HIVEP2: variants seen among roughly 807,000 people sequenced by gnomAD.
HIVEP2 encodes transcription factor HIVEP2.
A neutral mutation model predicts 180.7 loss-of-function variants in HIVEP2; 14 were observed. The observed-to-expected ratio is 0.08, with a 90% CI of 0.05 to 0.12. The LOEUF (loss-of-function observed/expected upper bound fraction) is 0.12, where lower values mean the gene tolerates loss of function less well. Ranked by LOEUF, HIVEP2 falls within the 10% of genes least tolerant of loss-of-function variation. The pLI is 1.00. For missense variants in HIVEP2, 2,579 were observed against 3,008.5 expected (o/e 0.86, Z 3.34); for synonymous variants, 1,184 against 1,136.4 (o/e 1.04, Z -0.84).
intron 2 of HIVEP2, chr6:142,788,298 A>G (rs979246198): frequency 9.0e-6 from 1 of 110,756 alleles, no homozygotes; most frequent in Non-Finnish European, 1.8e-5. Flanking sequence ...CCTAAAACTT[A>G]AAGTATAATA....
chr6:142,815,856 A>G (rs1776820200), intron 2 of HIVEP2, among the ~76,000 whole-genome samples: 1 of 152,230 alleles, frequency 6.6e-6, no homozygotes, highest in Non-Finnish European at 1.5e-5. Flanking sequence ...ACTGCGTCTT[A>G]TAATTCCCTT....
intron 1 of HIVEP2, among the ~76,000 whole-genome samples, chr6:142,850,830 C>T (rs993007136): frequency 1.3e-5 from 2 of 152,176 alleles, no homozygotes; most frequent in Non-Finnish European, 2.9e-5. Context: ...TCATCCTGCT[C>T]CATCTGGGGT....
intron 1 of HIVEP2, among the ~76,000 whole-genome samples, chr6:142,876,144 C>T (rs996655566): frequency 8.6e-5 from 13 of 152,020 alleles, no homozygotes; most frequent in South Asian, 4.1e-4. Context: ...CTGTTCAAAA[C>T]GTTGTAAAGA....
intron 1 of HIVEP2, among the ~76,000 whole-genome samples, chr6:142,868,213 G>T (rs950434872): frequency 5.3e-5 from 8 of 152,132 alleles, no homozygotes; most frequent in Admixed American, 1.3e-4. Flanking sequence ...AGCAGACTTT[G>T]GGTGCACAAC....
At chr6:142,924,755 G>A (rs1257201422) in intron 1 of HIVEP2, among the ~76,000 whole-genome samples, 1 of 152,182 alleles carries the variant, frequency 6.6e-6, no homozygotes, top group Non-Finnish European at 1.5e-5. Flanking sequence ...TTGGATTAAT[G>A]TTATAAAAAT....
chr6:142,781,326 A>G (rs1437435836), intron 3 of HIVEP2, among the ~76,000 whole-genome samples: 1 of 152,182 alleles, frequency 6.6e-6, no homozygotes, highest in African/African-American at 2.4e-5. Flanking sequence ...ATTTCCTTTT[A>G]TGGTAACCAA....
At chr6:142,781,004 T>C (rs1451446801) in intron 3 of HIVEP2, among the ~76,000 whole-genome samples, 3 of 152,194 alleles carry the variant, frequency 2.0e-5, no homozygotes, top group African/African-American at 4.8e-5. Context: ...AAATGAATCA[T>C]TAAGTCAGGA....
chr6:142,878,309 A>G (rs1776496519), intron 1 of HIVEP2, among the ~76,000 whole-genome samples: 1 of 151,370 alleles, frequency 6.6e-6, no homozygotes, highest in African/African-American at 2.4e-5. Context: ...TTCAACATGT[A>G]TTTCAAAGCA....
Position 142,882,877 on chromosome 6 carries a change from C to T in HIVEP2, c.-640-45830G>A, listed in dbSNP as rs1054240460. Among the ~76,000 whole-genome samples, 6 of 152,076 alleles carry T rather than the reference C, an allele frequency of 3.9e-5. No homozygotes were observed. In the East Asian group the frequency reaches 1.2e-3, roughly 29 times the overall value. On this transcript the variant is annotated intron_variant, in intron 1 of 9. Coordinates refer to ENST00000367603, the MANE Select transcript of HIVEP2 (RefSeq NM_006734.4). ...CTTCACTCTCCTAAACCCTGCAACA[C>T]AATAGGAAGCTTAGTGAAAGGACCA...
chr6:142,768,943 A>T (rs573105021), intron 5 of HIVEP2, among the ~76,000 whole-genome samples: 2 of 152,278 alleles, frequency 1.3e-5, no homozygotes, highest in South Asian at 4.1e-4. Flanking sequence ...ATATTTTTAA[A>T]TCCTCTATTT....
At chr6:142,824,712 G>A (rs1582892254) in intron 2 of HIVEP2, among the ~76,000 whole-genome samples, 1 of 152,288 alleles carries the variant, frequency 6.6e-6, no homozygotes, top group East Asian at 1.9e-4. Context: ...CAGTCCCAGA[G>A]GCTAGGGAGG....
Position 142,760,128 on chromosome 6 carries a change from G to T in HIVEP2, c.6160C>A (p.Pro2054Thr). The change falls in exon 9 of 10, where the codon CCC becomes ACC. Residue 2054 changes from proline to threonine, a missense_variant. By Grantham distance (38) the Pro-to-Thr change is conservative (BLOSUM62 -1). Coordinates refer to ENST00000367603, the MANE Select transcript of HIVEP2 (RefSeq NM_006734.4). ...CTCTTTGGTGAATTATCTCGACAGG[G>T]TGAAGAATCATATCCTGGAGAGGAA... ...HHSSPGYDSS[P>T]CRDNSPKRYL... 1 of 1,614,194 alleles carries T rather than the reference G, an allele frequency of 6.2e-7. No homozygotes were observed.
In HIVEP2 at chr6:142,818,692, CAAGAAAGAAAGA is replaced by C. The variant is rs145421215; in HGVS notation, c.-528+18231_-528+18242del. Reference sequence around the variant, plus strand: ...AAAAAAAAAAAGAAAGAGAGAGAGACAAGAAAGAAAGAAAGAAAGAAAGAAAGAAAAGAAAGA... The same window carrying C: ...AAAAAAAAAAAGAAAGAGAGAGAGACAAGAAAGAAAGAAAGAAAAGAAAGA... On this transcript the variant is annotated intron_variant, in intron 2 of 9. Transcript: ENST00000367603. Among the ~76,000 whole-genome samples the C allele has an allele frequency of 3.3e-3, 171 of 51,756 alleles. 6 individuals carry two copies. The highest frequency in any genetic ancestry group is 0.013 in the African/African-American group (159 of 11,788). The allele number at this position is 51,756 out of a possible 152,430, so 34.0% of individuals were successfully genotyped here.
rs757974791 is a variant in HIVEP2 at position 142,771,227 on chromosome 6, A to C, written c.3512T>G (p.Leu1171Trp). Residue 1171 changes from leucine to tryptophan, a missense_variant, in exon 5 of 10, where the codon TTG becomes TGG. Leu to Trp is a moderately conservative substitution (Grantham distance 61). Around this residue, in one of 11 missense-constraint regions of HIVEP2, gnomAD observed 523 missense variants for 577.0 expected, o/e 0.91. Coordinates refer to ENST00000367603, the MANE Select transcript of HIVEP2 (RefSeq NM_006734.4). This position sits in a 1 kb window ranked among gnomAD's most constrained non-coding sequence, Gnocchi z 5.4. ...TGTCATATAGGATGTTGGTTGGATCAAGGGATTTCTCAAAGATTCCTGACT... is the reference window on the plus strand; with the variant it reads ...TGTCATATAGGATGTTGGTTGGATCCAGGGATTTCTCAAAGATTCCTGACT... ...MDSQESLRNP[L>W]IQPTSYMTSK... The C allele has an allele frequency of 3.1e-6, 5 of 1,614,044 alleles. No individual in the cohort carries two copies. Among genetic ancestry groups the C allele is most frequent in the Non-Finnish European group, 3.4e-6 (4 of 1,180,024 alleles).
intron 2 of HIVEP2, among the ~76,000 whole-genome samples, chr6:142,791,461 T>A (rs751135460): frequency 3.9e-5 from 6 of 152,196 alleles, no homozygotes; most frequent in Non-Finnish European, 8.8e-5. Flanking sequence ...TGAATGGCAT[T>A]CATACTTTTG....
chr6:142,900,782 A>C (rs968017591), intron 1 of HIVEP2, among the ~76,000 whole-genome samples: 1 of 152,200 alleles, frequency 6.6e-6, no homozygotes, highest in African/African-American at 2.4e-5. Context: ...CCTTGCACAA[A>C]GACCTTATTA....
intron 1 of HIVEP2, among the ~76,000 whole-genome samples, chr6:142,904,737 T>G (rs1391485440): frequency 2.0e-5 from 3 of 152,222 alleles, no homozygotes; most frequent in Non-Finnish European, 4.4e-5. Context: ...ACTGATATTT[T>G]AAAGCATAAC....
intron 1 of HIVEP2, among the ~76,000 whole-genome samples, chr6:142,878,120 C>G (rs541963110): frequency 6.6e-6 from 1 of 152,202 alleles, no homozygotes; most frequent in East Asian, 1.9e-4. Context: ...CGGCAATTGT[C>G]AGGCATATTT....
At chr6:142,796,666 G>A (rs1414111177) in intron 2 of HIVEP2, among the ~76,000 whole-genome samples, 4 of 152,142 alleles carry the variant, frequency 2.6e-5, no homozygotes, top group Non-Finnish European at 5.9e-5. Context: ...ACTTTCCTCT[G>A]CTTCTGGGGA....
Sources: gnomAD v4.1 joint callset for allele counts (sites outside exome capture counted in the v4.1 genomes callset) on GRCh38, gnomAD v4.1.1 for gene constraint, gnomAD v4.1.1 regional missense constraint, Gnocchi (gnomAD v3.1) non-coding constraint, MANE v1.5 for transcripts, NCBI Gene and HGNC (gene_info 2026-07-23, HGNC 2026-07-21) for gene names.